WNK3: variants seen among roughly 807,000 people sequenced by gnomAD.
The protein encoded by WNK3 is WNK lysine deficient protein kinase 3.
Under a neutral mutation model 116.7 loss-of-function variants are expected in WNK3, and 18 were observed. That is an observed-to-expected ratio of 0.15 (90% CI 0.11 to 0.23). The LOEUF (loss-of-function observed/expected upper bound fraction) is 0.23. Ranked by LOEUF, WNK3 falls within the 10% of genes least tolerant of loss-of-function variation. WNK3 has a pLI of 1.00. For synonymous variants in WNK3, 404 were observed against 469.4 expected, an observed-to-expected ratio of 0.86 and a Z score of 1.80; for missense variants, 993 against 1,323.8, an observed-to-expected ratio of 0.75 and a Z score of 3.88.
chrX:54,269,597 T>G (rs1557158776), intron 10 of WNK3, among the ~76,000 whole-genome samples: 1 of 111,531 alleles, frequency 9.0e-6, no homozygotes, highest in African/African-American at 3.3e-5. Context: ...AGTGCATATA[T>G]TCACCAAAAA....
intron 2 of WNK3, among the ~76,000 whole-genome samples, chrX:54,331,302 T>TA (rs1557174222): frequency 9.7e-6 from 1 of 103,012 alleles, no homozygotes; most frequent in Non-Finnish European, 1.9e-5. Flanking sequence ...AATATACACT[T>TA]ACAGATAATG....
intron 2 of WNK3, among the ~76,000 whole-genome samples, chrX:54,329,970 T>G (rs2069148962): frequency 1.8e-5 from 2 of 111,998 alleles, no homozygotes; most frequent in Admixed American, 1.9e-4. Context: ...CAGGCTACAG[T>G]GGCTCATGCC....
At chrX:54,342,511 A>G (rs1409150889) in intron 1 of WNK3, among the ~76,000 whole-genome samples, 1 of 109,842 alleles carries the variant, frequency 9.1e-6, no homozygotes, top group Non-Finnish European at 1.9e-5. Context: ...GGTTGCGGTG[A>G]GCCAAGATAG....
At chrX:54,214,288 T>C (rs1236416698) in intron 22 of WNK3, among the ~76,000 whole-genome samples, 1 of 111,006 alleles carries the variant, frequency 9.0e-6, no homozygotes, top group Non-Finnish European at 1.9e-5. Context: ...TGGCCAAAAG[T>C]TTGAAAAGTT....
chrX:54,204,014 A>G (rs2067526828), intron 22 of WNK3, among the ~76,000 whole-genome samples: 1 of 111,875 alleles, frequency 8.9e-6, no homozygotes, highest in Non-Finnish European at 1.9e-5. Flanking sequence ...GGAAGAAGAT[A>G]TTACTTAATA....
intron 1 of WNK3, among the ~76,000 whole-genome samples, chrX:54,343,899 G>T (rs1812231150): frequency 9.0e-6 from 1 of 110,668 alleles, no homozygotes; most frequent in Admixed American, 9.7e-5. Context: ...GGGCTCAAGA[G>T]ATTCTCCCTC....
At chrX:54,224,806 T>C (rs1481380249) in intron 22 of WNK3, among the ~76,000 whole-genome samples, 1 of 110,928 alleles carries the variant, frequency 9.0e-6, no homozygotes, top group Non-Finnish European at 1.9e-5. Flanking sequence ...CCTGACCTTG[T>C]GATCCGCCCA....
At chrX:54,354,840 T>C (rs1227815111) in intron 1 of WNK3, among the ~76,000 whole-genome samples, 4 of 111,294 alleles carry the variant, frequency 3.6e-5, no homozygotes, top group Non-Finnish European at 5.7e-5. Context: ...TCCCAGCACT[T>C]TGGGAGGCCG....
intron 1 of WNK3, among the ~76,000 whole-genome samples, chrX:54,343,116 G>C (rs1201355722): frequency 9.1e-6 from 1 of 110,331 alleles, no homozygotes; most frequent in Non-Finnish European, 1.9e-5. Flanking sequence ...CTCCCAAAGT[G>C]CTGGGATTAT....
At chrX:54,198,380 C>G in exon 24 of WNK3, 1 of 1,209,410 alleles carries the variant, frequency 8.3e-7, no homozygotes. Flanking sequence ...GTTGGAAATG[C>G]CTGCATATTC....
intron 11 of WNK3, among the ~76,000 whole-genome samples, chrX:54,257,919 G>A (rs2068212715): frequency 1.8e-5 from 2 of 108,715 alleles, no homozygotes; most frequent in Middle Eastern, 4.8e-3. Flanking sequence ...ATTACAACTT[G>A]AATGCAAAAA....
chrX:54,258,786 GAA>G (rs1278656610), intron 11 of WNK3, among the ~76,000 whole-genome samples: 1 of 96,217 alleles, frequency 1.0e-5, no homozygotes, highest in Admixed American at 1.1e-4. Flanking sequence ...AACAATCACA[GAA>G]AAAAAAAAAC....
At chrX:54,245,426 A>G (rs2068065832) in intron 17 of WNK3, among the ~76,000 whole-genome samples, 2 of 110,092 alleles carry the variant, frequency 1.8e-5, no homozygotes, top group Non-Finnish European at 3.8e-5. Flanking sequence ...GGTTGAGGTT[A>G]CAGTGAGCCA....
chrX:54,314,026 T>C (rs1250121365), intron 2 of WNK3, among the ~76,000 whole-genome samples: 1 of 107,915 alleles, frequency 9.3e-6, no homozygotes, highest in Admixed American at 1.0e-4. Flanking sequence ...ACCCTGTCTC[T>C]AATAAAAACA....
At chrX:54,357,643 T>G (rs1208377373) in intron 1 of WNK3, 43 bp downstream of exon 1, 3 of 111,684 alleles carry the variant, frequency 2.7e-5, no homozygotes, top group African/African-American at 9.8e-5. Context: ...CCCCCCGGCC[T>G]CCTCCCTCTC....
chrX:54,219,603 G>A (rs182943213), intron 22 of WNK3, among the ~76,000 whole-genome samples: 1,700 of 101,051 alleles, frequency 0.017, 19 homozygotes, highest in Middle Eastern at 0.036. Context: ...ACTTGAACCC[G>A]GGAGGCGGAG....
Position 54,348,536 on chromosome X carries a change from C to A in WNK3, c.-120+9150G>T, listed in dbSNP as rs528654772. On this transcript the variant is annotated intron_variant, in intron 1 of 23. Transcript: ENST00000354646. ...TATTTATTTAAGTATACTAATATATCCAAAATAATGTATGTAATACATGTG... is the reference window on the plus strand; with the variant it reads ...TATTTATTTAAGTATACTAATATATACAAAATAATGTATGTAATACATGTG... 2.7e-5 allele frequency among the ~76,000 whole-genome samples: 3 copies of A among 111,599 alleles called. No individual in the cohort carries two copies. The South Asian group carries it at 1.1e-3, about 42-fold the overall frequency.
chrX:54,223,385 A>T (rs1476521531), intron 22 of WNK3: 1 of 113,064 alleles, frequency 8.8e-6, no homozygotes, highest in Non-Finnish European at 1.9e-5. Flanking sequence ...ATTGTGAGGA[A>T]GCAGGAGGCG....
intron 21 of WNK3, among the ~76,000 whole-genome samples, chrX:54,232,144 T>G (rs2067908878): frequency 9.5e-6 from 1 of 105,817 alleles, no homozygotes; most frequent in South Asian, 4.3e-4. Context: ...TATGTATGTA[T>G]GTATGTATGT....
Sources: allele counts gnomAD v4.1 joint callset (sites outside exome capture counted in the v4.1 genomes callset), GRCh38; gene constraint gnomAD v4.1.1; transcripts MANE v1.5; gene names NCBI Gene and HGNC (gene_info 2026-07-23, HGNC 2026-07-21).